PARP8: variants seen among roughly 807,000 people sequenced by gnomAD.
PARP8 encodes the protein protein mono-ADP-ribosyltransferase PARP8.
A neutral mutation model predicts 124.1 loss-of-function variants in PARP8; 51 were observed. The ratio of observed to expected loss-of-function variants is 0.41; its 90% CI spans 0.33 to 0.52. The LOEUF is 0.52. Among genes scored for constraint, PARP8 ranks in the 20% least tolerant of loss-of-function variants. PARP8 has a pLI of 0.21. For synonymous variants in PARP8, 391 were observed against 361.5 expected (o/e 1.08, Z -0.93); for missense variants, 860 against 1,018.9 (o/e 0.84, Z 2.12).
intron 6 of PARP8, among the ~76,000 whole-genome samples, chr5:50,762,902 C>G (rs1223857270): frequency 6.6e-6 from 1 of 152,152 alleles, no homozygotes; most frequent in Non-Finnish European, 1.5e-5. Flanking sequence ...GATTATCTGC[C>G]AGACATTTAC....
chr5:50,777,678 C>G (rs1740181022), intron 7 of PARP8, among the ~76,000 whole-genome samples: 1 of 152,028 alleles, frequency 6.6e-6, no homozygotes, highest in Non-Finnish European at 1.5e-5. Context: ...GTGTGTCTTC[C>G]CTATACTCCT....
intron 11 of PARP8, 40 bp from the exon 12 acceptor site, chr5:50,794,813 C>G (rs139762307): frequency 1.3e-6 from 2 of 1,531,622 alleles, no homozygotes; most frequent in Non-Finnish European, 1.8e-6. Context: ...TCTGATGTAC[C>G]TGTGATTTGC....
intron 2 of PARP8, among the ~76,000 whole-genome samples, chr5:50,703,156 AG>A (rs1349527029): frequency 1.3e-5 from 2 of 151,806 alleles, no homozygotes; most frequent in African/African-American, 2.4e-5. Context: ...CAAACAATAG[AG>A]GGGTGTGGCA....
At chr5:50,707,689 A>G (rs1394089352) in intron 2 of PARP8, among the ~76,000 whole-genome samples, 2 of 151,522 alleles carry the variant, frequency 1.3e-5, no homozygotes, top group Admixed American at 1.3e-4. Flanking sequence ...TCCTGCTTTT[A>G]TTGGCATGCA....
At chr5:50,720,557 A>C (rs1755771775) in intron 2 of PARP8, among the ~76,000 whole-genome samples, 1 of 152,038 alleles carries the variant, frequency 6.6e-6, no homozygotes, top group Non-Finnish European at 1.5e-5. Flanking sequence ...AAGATCCCAG[A>C]AGCTGTGGCA....
intron 2 of PARP8, among the ~76,000 whole-genome samples, chr5:50,745,885 A>G (rs1469210273): frequency 2.6e-5 from 4 of 152,030 alleles, no homozygotes; most frequent in Non-Finnish European, 1.5e-5. Context: ...CATAGTGTAC[A>G]TTTCCCCCCA....
intron 1 of PARP8, 38 bp downstream of exon 1, chr5:50,667,224 C>T (rs780933020): frequency 1.3e-5 from 21 of 1,591,026 alleles, no homozygotes; most frequent in Non-Finnish European, 1.6e-5. Flanking sequence ...GACCCAGCGC[C>T]CCCTTCCCAG....
chr5:50,826,623 G>T, intron 18 of PARP8, 132 bp from the exon 19 acceptor site: 2 of 1,132,112 alleles, frequency 1.8e-6, no homozygotes, highest in South Asian at 2.0e-5. Context: ...TAAATTATGC[G>T]ACTAAATGAA....
At chr5:50,785,185 A>G (rs1444873611) in intron 9 of PARP8, among the ~76,000 whole-genome samples, 3 of 152,092 alleles carry the variant, frequency 2.0e-5, no homozygotes, top group South Asian at 2.1e-4. Flanking sequence ...ATTTTATGCT[A>G]TTGAGTCAAT....
At chr5:50,670,789 A>G (rs190623882) in intron 2 of PARP8, among the ~76,000 whole-genome samples, 119 of 152,312 alleles carry the variant, frequency 7.8e-4, no homozygotes, top group Middle Eastern at 3.4e-3. Flanking sequence ...CTTCTTCTCC[A>G]TTAGTGTTTT....
At chr5:50,841,042 C>G (rs1748124460) in intron 25 of PARP8, among the ~76,000 whole-genome samples, 1 of 151,842 alleles carries the variant, frequency 6.6e-6, no homozygotes, top group Non-Finnish European at 1.5e-5. Context: ...TGCTGTATGT[C>G]ATCTTTTCAT....
intron 7 of PARP8, among the ~76,000 whole-genome samples, chr5:50,767,248 A>G (rs1761142211): frequency 6.6e-6 from 1 of 152,184 alleles, no homozygotes; most frequent in African/African-American, 2.4e-5. Flanking sequence ...AATGCTTATT[A>G]CCACAACATA....
intron 15 of PARP8, among the ~76,000 whole-genome samples, chr5:50,816,740 A>G (rs1561423650): frequency 6.6e-6 from 1 of 152,202 alleles, no homozygotes; most frequent in Non-Finnish European, 1.5e-5. Flanking sequence ...TTTGCATATT[A>G]ACGGTTCTGA....
chr5:50,739,826 T>C (rs1259659348), intron 2 of PARP8, among the ~76,000 whole-genome samples: 1 of 145,716 alleles, frequency 6.9e-6, no homozygotes, highest in Non-Finnish European at 1.5e-5. Context: ...CTCGGCTCAC[T>C]GCAACCTCCA....
intron 12 of PARP8, among the ~76,000 whole-genome samples, chr5:50,795,975 C>T (rs536082681): frequency 1.2e-4 from 19 of 152,212 alleles, no homozygotes; most frequent in African/African-American, 3.9e-4. Flanking sequence ...ATGCTGTAGC[C>T]GTTTTTGGGG....
intron 7 of PARP8, among the ~76,000 whole-genome samples, chr5:50,767,846 G>C (rs2149588696): frequency 6.6e-6 from 1 of 152,314 alleles, no homozygotes; most frequent in South Asian, 2.1e-4. Context: ...AAGCTGTTGA[G>C]TTTCAGATGA....
chr5:50,667,636 G>C (rs1157451672), intron 1 of PARP8: 1 of 699,024 alleles, frequency 1.4e-6, no homozygotes, highest in Non-Finnish European at 2.6e-6. Flanking sequence ...CCCCCGGGGG[G>C]CAGCGCTCGG....
chr5:50,704,037 G>C (rs1753871633), intron 2 of PARP8, among the ~76,000 whole-genome samples: 2 of 151,918 alleles, frequency 1.3e-5, no homozygotes, highest in South Asian at 4.2e-4. Flanking sequence ...CTAATCTTTT[G>C]ACATGTATTT....
At chr5:50,772,089 A>C (rs1428148600) in intron 7 of PARP8, among the ~76,000 whole-genome samples, 1 of 152,146 alleles carries the variant, frequency 6.6e-6, no homozygotes, top group Non-Finnish European at 1.5e-5. Flanking sequence ...CAAATGACTT[A>C]CATCACGCAG....
Sources: allele counts gnomAD v4.1 joint callset (sites outside exome capture counted in the v4.1 genomes callset), GRCh38; gene constraint gnomAD v4.1.1; transcripts MANE v1.5; gene names NCBI Gene and HGNC (gene_info 2026-07-23, HGNC 2026-07-21).